ZNF521: variants seen among roughly 807,000 people sequenced by gnomAD.
ZNF521 encodes zinc finger protein 521.
A neutral mutation model predicts 105.5 loss-of-function variants in ZNF521; 14 were observed. That is an observed-to-expected ratio of 0.13 (90% CI 0.09 to 0.21). The LOEUF (loss-of-function observed/expected upper bound fraction) is 0.21. ZNF521 is among the 10% of genes least tolerant of loss of function. The pLI is 1.00. For synonymous variants in ZNF521, 635 were observed against 606.0 expected (o/e 1.05, Z -0.70); for missense variants, 1,233 against 1,629.7 (o/e 0.76, Z 4.19).
chr18:25,272,712 T>A (rs911800561), intron 3 of ZNF521, among the ~76,000 whole-genome samples: 1 of 150,918 alleles, frequency 6.6e-6, no homozygotes, highest in Non-Finnish European at 1.5e-5. Context: ...AGTTGTACAA[T>A]GAGGACACAG....
rs373442720 is a variant in ZNF521, at chr18:25,233,493, A to C, written c.221-5796T>G. On this transcript the variant is annotated intron_variant, in intron 3 of 7. Coordinates refer to ENST00000361524, the MANE Select transcript of ZNF521 (RefSeq NM_015461.3). ...ATTCACAGATGCTTTTAAATTCTGT[A>C]ATATTTTGAACTGTTCTAGAAGGAC... 5.3e-5 allele frequency among the ~76,000 whole-genome samples: 8 copies of C among 152,310 alleles called. No individual in the cohort carries two copies. In the East Asian group the frequency reaches 1.3e-3, roughly 26 times the overall value.
intron 5 of ZNF521, among the ~76,000 whole-genome samples, chr18:25,140,393 G>GA (rs1202201340): frequency 1.3e-5 from 2 of 152,210 alleles, no homozygotes; most frequent in East Asian, 3.8e-4. Context: ...TTTGATTGGG[G>GA]ATGACATTTA....
At chr18:25,156,218 C>T (rs113541334) in intron 5 of ZNF521, among the ~76,000 whole-genome samples, 24 of 152,208 alleles carry the variant, frequency 1.6e-4, no homozygotes, top group African/African-American at 5.5e-4. Context: ...ATGTTCTATA[C>T]CTTAAATACA....
chr18:25,292,850 G>T (rs1304924393), intron 3 of ZNF521, among the ~76,000 whole-genome samples: 1 of 152,100 alleles, frequency 6.6e-6, no homozygotes, highest in Admixed American at 6.6e-5. Context: ...AAACTTTAAG[G>T]GGAAGTCCAA....
At chr18:25,079,570 A>G (rs9956854) in intron 7 of ZNF521, among the ~76,000 whole-genome samples, 17 of 151,512 alleles carry the variant, frequency 1.1e-4, no homozygotes, top group African/African-American at 4.1e-4. Flanking sequence ...CAGTCTGACT[A>G]TACTAACACC....
intron 3 of ZNF521, among the ~76,000 whole-genome samples, chr18:25,267,075 C>G (rs1909317033): frequency 6.6e-6 from 1 of 152,126 alleles, no homozygotes; most frequent in Admixed American, 6.5e-5. Context: ...ACCTGGGATG[C>G]TTGAGCTTGG....
At chr18:25,235,226 C>G (rs949155192) in intron 3 of ZNF521, among the ~76,000 whole-genome samples, 1 of 152,146 alleles carries the variant, frequency 6.6e-6, no homozygotes, top group African/African-American at 2.4e-5. Context: ...GTCCTTGAGG[C>G]CAATTCTATT....
chr18:25,142,834 A>G (rs1191479573), intron 5 of ZNF521, among the ~76,000 whole-genome samples: 1 of 152,146 alleles, frequency 6.6e-6, no homozygotes, highest in African/African-American at 2.4e-5. Flanking sequence ...TTAGTTTTAG[A>G]AATAAAATTC....
chr18:25,249,529 T>C (rs372870111), intron 3 of ZNF521, among the ~76,000 whole-genome samples: 1 of 152,000 alleles, frequency 6.6e-6, no homozygotes, highest in South Asian at 2.1e-4. Flanking sequence ...TGGCACGATC[T>C]TGGCTCACTG....
intron 5 of ZNF521, among the ~76,000 whole-genome samples, chr18:25,153,968 A>G (rs1204840953): frequency 6.6e-6 from 1 of 152,208 alleles, no homozygotes; most frequent in East Asian, 1.9e-4. Flanking sequence ...AATCAGGAAT[A>G]GGGCAAAAGG....
chr18:25,117,555 A>G (rs1010819991), intron 5 of ZNF521, among the ~76,000 whole-genome samples: 8 of 152,190 alleles, frequency 5.3e-5, no homozygotes, highest in African/African-American at 1.9e-4. Context: ...GAATGAAAAC[A>G]TAGGAAATCA....
intron 3 of ZNF521, among the ~76,000 whole-genome samples, chr18:25,280,007 T>C (rs1410289471): frequency 6.6e-6 from 1 of 152,198 alleles, no homozygotes; most frequent in East Asian, 1.9e-4. Flanking sequence ...GATATCACAT[T>C]AGGTTTCAAA....
chr18:25,249,037 T>C (rs1907923289), intron 3 of ZNF521, among the ~76,000 whole-genome samples: 1 of 152,202 alleles, frequency 6.6e-6, no homozygotes, highest in Admixed American at 6.5e-5. Context: ...CTATGCTGAC[T>C]TCCATAATAA....
chr18:25,073,527 C>G (rs2144133181), intron 7 of ZNF521, among the ~76,000 whole-genome samples: 1 of 152,288 alleles, frequency 6.6e-6, no homozygotes, highest in South Asian at 2.1e-4. Context: ...TAAAAACTGA[C>G]TGGCAGGCTT....
chr18:25,258,845 G>A (rs1908701366), intron 3 of ZNF521, among the ~76,000 whole-genome samples: 3 of 152,168 alleles, frequency 2.0e-5, no homozygotes. Context: ...AACAGGGTAA[G>A]TGAAAATGTT....
chr18:25,228,472 C>G (rs1172903507), intron 3 of ZNF521, among the ~76,000 whole-genome samples: 4 of 152,170 alleles, frequency 2.6e-5, no homozygotes, highest in Non-Finnish European at 5.9e-5. Flanking sequence ...ATGAGAGTTT[C>G]ACAAGGGCCA....
At chr18:25,241,677 A>C (rs1054858057) in intron 3 of ZNF521, among the ~76,000 whole-genome samples, 42 of 152,284 alleles carry the variant, frequency 2.8e-4, no homozygotes, top group African/African-American at 9.6e-4. Context: ...TTAAAACATC[A>C]CATTTATCTT....
chr18:25,068,803 C>T (rs1371671253), intron 7 of ZNF521, among the ~76,000 whole-genome samples: 1 of 152,194 alleles, frequency 6.6e-6, no homozygotes, highest in Non-Finnish European at 1.5e-5. Flanking sequence ...CTGGCTCCTT[C>T]CCCGTTCCCA....
At chr18:25,208,377 T>C (rs2036119490) in intron 4 of ZNF521, among the ~76,000 whole-genome samples, 1 of 152,236 alleles carries the variant, frequency 6.6e-6, no homozygotes, top group African/African-American at 2.4e-5. Flanking sequence ...GCATTTTAAA[T>C]TTTGTATAAC....
Sources: allele counts gnomAD v4.1 joint callset (sites outside exome capture counted in the v4.1 genomes callset), GRCh38; gene constraint gnomAD v4.1.1; transcripts MANE v1.5; gene names NCBI Gene and HGNC (gene_info 2026-07-23, HGNC 2026-07-21).